The following ZNF563 variants were observed in gnomAD, a reference collection of about 807,000 sequenced individuals.
ZNF563 encodes the protein zinc finger protein 563.
A neutral mutation model predicts 48.5 loss-of-function variants in ZNF563; 39 were observed. The observed-to-expected ratio is 0.80, with a 90% CI of 0.62 to 1.05. The LOEUF is 1.05. ZNF563 is among the 50% of genes least tolerant of loss of function. The pLI is 0.00. For missense variants in ZNF563, 538 were observed against 597.0 expected, an observed-to-expected ratio of 0.90 and a Z score of 1.03; for synonymous variants, 168 against 187.9, an observed-to-expected ratio of 0.89 and a Z score of 0.87.
chr19:12,343,975 C>T, the ZNF563 span, among the ~76,000 whole-genome samples: 50 of 151,908 alleles, frequency 3.3e-4, no homozygotes, highest in Non-Finnish European at 1.2e-4. Flanking sequence ...GTGATCCGCC[C>T]GCCTCGGCCT....
chr19:12,319,142 A>G lies in ZNF563; in HGVS notation c.883T>C (p.Ser295Pro), dbSNP rs1271610118. 6.2e-7 allele frequency: 1 copy of G among 1,613,832 alleles called. No homozygotes were observed. ...QCGKAFSVSS[S>P]LRRHETTHSA... ...TGAGTGGTTTCATGTCTTCGAAGGG[A>G]ACTGGAAACACTGAAGGCTTTCCCA... Residue 295 changes from serine to proline, a missense_variant, in exon 4 of 4, where the codon TCC becomes CCC. Ser to Pro is a moderately conservative substitution (Grantham distance 74). Coordinates refer to ENST00000293725, the MANE Select transcript of ZNF563 (RefSeq NM_145276.3).
At chr19:12,323,713 C>T (rs1410385598) in intron 1 of ZNF563, among the ~76,000 whole-genome samples, 1 of 152,198 alleles carries the variant, frequency 6.6e-6, no homozygotes, top group Non-Finnish European at 1.5e-5. Context: ...CACCAAAAAA[C>T]ACTATAGGCA....
chr19:12,322,777 T>C (rs1360778149), intron 1 of ZNF563, 66 bp from the exon 2 acceptor site: 2 of 1,438,986 alleles, frequency 1.4e-6, no homozygotes, highest in Non-Finnish European at 1.9e-6. Context: ...TATACTCAGT[T>C]CATAAACTTC....
upstream of ZNF563, among the ~76,000 whole-genome samples, chr19:12,334,999 G>C (rs1470581449): frequency 6.6e-6 from 1 of 151,142 alleles, no homozygotes; most frequent in African/African-American, 2.4e-5. Context: ...GTGCAGCTTC[G>C]TGCTACGTGG....
the ZNF563 span, among the ~76,000 whole-genome samples, chr19:12,345,772 C>CGT: frequency 2.6e-5 from 4 of 151,788 alleles, no homozygotes; most frequent in Non-Finnish European, 5.9e-5. Flanking sequence ...TTTAGACAGG[C>CGT]GTGGTGGTGG....
At chr19:12,335,380 T>C (rs1969007312), upstream of ZNF563, among the ~76,000 whole-genome samples, 1 of 152,152 alleles carries the variant, frequency 6.6e-6, no homozygotes, top group Non-Finnish European at 1.5e-5. Flanking sequence ...CCATTGTCCT[T>C]TCTGTGTAAA....
In ZNF563 at chr19:12,327,540, A is replaced by C. The variant is rs74526327; in HGVS notation, c.4-4829T>G. ...CAAGTGCAACAAATAGAAAACAGTAATATACATATACATATTAATTCAATT... is the reference window on the plus strand; with the variant it reads ...CAAGTGCAACAAATAGAAAACAGTACTATACATATACATATTAATTCAATT... On this transcript the variant is annotated intron_variant, in intron 1 of 3. Transcript: ENST00000293725. Among the ~76,000 whole-genome samples the C allele has an allele frequency of 3.6e-3, 552 of 152,146 alleles. 20 individuals are homozygous for C. The East Asian group carries it at 0.099, about 27-fold the overall frequency.
the ZNF563 span, among the ~76,000 whole-genome samples, chr19:12,342,029 T>G: frequency 1.3e-5 from 2 of 152,234 alleles, no homozygotes; most frequent in East Asian, 3.8e-4. Flanking sequence ...TTTTTCTTTT[T>G]GAGACAGGGT....
At chr19:12,338,852 C>CAAAAA in the ZNF563 span, among the ~76,000 whole-genome samples, 1 of 129,736 alleles carries the variant, frequency 7.7e-6, no homozygotes, top group South Asian at 2.1e-4. Flanking sequence ...GACTCCATCT[C>CAAAAA]AAAACAAAAC....
Position 12,318,482 on chromosome 19 carries a change from A to C in ZNF563, c.*112T>G. 8.3e-7 allele frequency: 1 copy of C among 1,207,568 alleles called. No homozygotes were observed. 74.8% of individuals were successfully genotyped at this position (1,207,568 alleles called of 1,614,324 possible). A position where few individuals can be genotyped will look rare whatever the true frequency, so the allele number is the denominator to read the frequency against. On this transcript the variant is annotated 3_prime_UTR_variant, in exon 4 of 4. Transcript: ENST00000293725. ...TATTTCATGATTTTGAAAGGAATAA[A>C]AATTATGAAAGGCTTTCCCACATTT...
intron 1 of ZNF563, 75 bp downstream of exon 1, chr19:12,333,405 G>A (rs1968971548): frequency 6.4e-7 from 1 of 1,570,698 alleles, no homozygotes; most frequent in Non-Finnish European, 8.7e-7. Flanking sequence ...GGAGGCCCAC[G>A]TTCGCCGCGG....
In ZNF563 at chr19:12,326,897, A is replaced by T. The variant is rs1968808784; in HGVS notation, c.4-4186T>A. Among the ~76,000 whole-genome samples, 3 of 152,234 alleles carry T rather than the reference A, an allele frequency of 2.0e-5. No individual in the cohort carries two copies. In the South Asian group the frequency reaches 6.2e-4, roughly 31 times the overall value. On this transcript the variant is annotated intron_variant, in intron 1 of 3. Transcript: ENST00000293725. ...AATAGATATGTTTGCTCAAAATAAT[A>T]GTATCAACAATGTATTGGGTGTTAT...
chr19:12,319,549 C>T lies in ZNF563; in HGVS notation c.476G>A (p.Arg159His), dbSNP rs201449606. 12 of 1,614,150 alleles carry T rather than the reference C, an allele frequency of 7.4e-6. No homozygotes were observed. The highest frequency in any genetic ancestry group is 1.6e-4 in the Middle Eastern group (1 of 6,062). The change falls in exon 4 of 4, where the codon CGT (arginine) becomes CAT (histidine). Residue 159 changes from arginine to histidine, a missense_variant. By Grantham distance (29) the Arg-to-His change is conservative. Coordinates refer to ENST00000293725, the MANE Select transcript of ZNF563 (RefSeq NM_145276.3). ...TTTCTTTCCAGTGTGAGGCCTTCCA[C>T]GCGACTGAAAGGAGTGATGGTAACT... is the stretch of plus-strand genomic sequence containing the variant. ...AFSYHHSFQS[R>H]GRPHTGKKRY...
Position 12,319,484 on chromosome 19 carries a change from G to A in ZNF563, c.541C>T (p.Arg181Cys), listed in dbSNP as rs777684371. ...CKECGKTFSS[R>C]RNLRRHMVVQ... ...ACCATGTGTCTTCGAAGGTTTCTAC[G>A]AGAACTGAAGGTTTTTCCACATTCC... is the stretch of plus-strand genomic sequence containing the variant. The change falls in exon 4 of 4, where the codon CGT becomes TGT. Residue 181 changes from arginine to cysteine, a missense_variant. Physicochemically the swap from Arg to Cys is radical, Grantham distance 180. Transcript: ENST00000293725. 1.4e-5 allele frequency: 22 copies of A among 1,614,014 alleles called. No individual in the cohort carries two copies. The highest frequency in any genetic ancestry group is 6.7e-5 in the African/African-American group (5 of 74,904).
chr19:12,322,116 C>T (rs1424611751), intron 2 of ZNF563, among the ~76,000 whole-genome samples: 2 of 151,892 alleles, frequency 1.3e-5, no homozygotes, highest in East Asian at 1.9e-4. Context: ...AGTGCAGTGG[C>T]GTGATCTTGG....
At chr19:12,326,426 T>C (rs188668870) in intron 1 of ZNF563, among the ~76,000 whole-genome samples, 1 of 151,954 alleles carries the variant, frequency 6.6e-6, no homozygotes, top group Admixed American at 6.6e-5. Flanking sequence ...AGCGGATCAC[T>C]TGAGGTCGGG....
Position 12,319,755 on chromosome 19 carries a change from A to C in ZNF563, c.270T>G (p.Ser90Arg). The C allele has an allele frequency of 6.2e-7, 1 of 1,614,108 alleles. No individual in the cohort carries two copies. The highest frequency in any genetic ancestry group is 2.2e-5 in the East Asian group (1 of 44,884). ...CGETFSLIRD[S>R]IVNNSICPGE... ...CAGGACAAATGCTGTTGTTCACAAT[A>C]CTATCTCGAATGAGGCTAAATGTTT... is the stretch of plus-strand genomic sequence containing the variant. Residue 90 changes from serine to arginine, a missense_variant, in exon 4 of 4, where the codon AGT becomes AGG. Transcript: ENST00000293725.
At position 12,332,327 on chromosome 19, in the gene ZNF563, C is replaced by CT. The variant is rs200435543; in HGVS notation, c.3+1152dup. On this transcript the variant is annotated intron_variant, in intron 1 of 3. Coordinates refer to ENST00000293725, the MANE Select transcript of ZNF563 (RefSeq NM_145276.3). ...GAATGCAGGTAAGTTACGGGTCTAA[C>CT]TTTGTTTTTTTTCTTTTTTCTTTTT... Among the ~76,000 whole-genome samples the CT allele has an allele frequency of 9.1e-3, 1,367 of 150,158 alleles. 24 individuals carry two copies. Among genetic ancestry groups the CT allele is most frequent in the African/African-American group, 0.032 (1,308 of 40,602 alleles).
At chr19:12,324,586 G>A (rs563253541) in intron 1 of ZNF563, among the ~76,000 whole-genome samples, 3 of 152,040 alleles carry the variant, frequency 2.0e-5, no homozygotes, top group South Asian at 4.2e-4. Flanking sequence ...GCGTGATGGC[G>A]CATGCCTGTA....
Sources: allele counts gnomAD v4.1 joint callset (sites outside exome capture counted in the v4.1 genomes callset), GRCh38; gene constraint gnomAD v4.1.1; transcripts MANE v1.5; gene names NCBI Gene and HGNC (gene_info 2026-07-23, HGNC 2026-07-21).